The following USH2A variants were observed in gnomAD, a reference collection of about 807,000 sequenced individuals.
The protein encoded by USH2A is usherin.
Under a neutral mutation model 538.9 loss-of-function variants are expected in USH2A, and 443 were observed. That is an observed-to-expected ratio of 0.82 (90% confidence interval 0.76 to 0.89). The LOEUF (loss-of-function observed/expected upper bound fraction) is 0.89, where lower values mean the gene tolerates loss of function less well. Among genes scored for constraint, USH2A ranks in the 40% least tolerant of loss-of-function variants. USH2A has a pLI of 0.00. For synonymous variants in USH2A, 2,413 were observed against 2,273.5 expected, an observed-to-expected ratio of 1.06 and a Z score of -1.75; for missense variants, 6,633 against 6,324.8, an observed-to-expected ratio of 1.05 and a Z score of -1.65.
intron 44 of USH2A, among the ~76,000 whole-genome samples, chr1:215,851,839 C>G (rs2102828163): frequency 6.6e-6 from 1 of 151,730 alleles, no homozygotes; most frequent in South Asian, 2.1e-4. Context: ...GACAATTCAC[C>G]ATGATCAAGT....
At chr1:216,097,236 C>T (rs990954828) in intron 21 of USH2A, 23 bp from the exon 22 acceptor site, 1 of 1,614,004 alleles carries the variant, frequency 6.2e-7, no homozygotes, top group Non-Finnish European at 8.5e-7. Context: ...GTGTGATCAG[C>T]AAATCAGTGC....
intron 20 of USH2A, among the ~76,000 whole-genome samples, chr1:216,181,242 A>G (rs961096399): frequency 3.3e-5 from 5 of 152,052 alleles, no homozygotes; most frequent in Admixed American, 6.6e-5. Context: ...GGTTACTTCA[A>G]TTGTTAGAGT....
chr1:216,167,114 A>G (rs540506471), intron 21 of USH2A, among the ~76,000 whole-genome samples: 14 of 151,852 alleles, frequency 9.2e-5, no homozygotes, highest in African/African-American at 3.4e-4. Context: ...GAGCCTCCTT[A>G]TATATATATA....
intron 11 of USH2A, among the ~76,000 whole-genome samples, chr1:216,280,874 A>C (rs1368796095): frequency 6.6e-6 from 1 of 152,190 alleles, no homozygotes; most frequent in Non-Finnish European, 1.5e-5. Flanking sequence ...TTATAACAAA[A>C]TGAGACTTGA....
At chr1:215,702,636 AG>A (rs1253637443) in intron 61 of USH2A, among the ~76,000 whole-genome samples, 1 of 151,536 alleles carries the variant, frequency 6.6e-6, no homozygotes, top group African/African-American at 2.4e-5. Context: ...TGCTTCACAA[AG>A]TTCTAGTGCT....
chr1:216,018,138 T>C (rs2102498776), intron 32 of USH2A, among the ~76,000 whole-genome samples: 1 of 152,310 alleles, frequency 6.6e-6, no homozygotes, highest in African/African-American at 2.4e-5. Context: ...GGTACATTCT[T>C]AATTACACCT....
At chr1:216,287,530 C>A (rs78615309) in intron 11 of USH2A, among the ~76,000 whole-genome samples, 1 of 151,864 alleles carries the variant, frequency 6.6e-6, no homozygotes, top group Admixed American at 6.6e-5. Flanking sequence ...ATTATGGTGG[C>A]CTTTTTTTTT....
At chr1:216,069,792 A>G (rs2031497122) in intron 30 of USH2A, among the ~76,000 whole-genome samples, 1 of 152,194 alleles carries the variant, frequency 6.6e-6, no homozygotes, top group Admixed American at 6.5e-5. Flanking sequence ...ATTTATACAT[A>G]GGATTTCCAA....
chr1:216,133,243 C>T (rs1419383948), intron 21 of USH2A, among the ~76,000 whole-genome samples: 5 of 152,036 alleles, frequency 3.3e-5, no homozygotes, highest in African/African-American at 4.8e-5. Context: ...TATATTTGAA[C>T]ATTTTAAATA....
intron 62 of USH2A, among the ~76,000 whole-genome samples, chr1:215,677,798 G>T (rs977026099): frequency 6.6e-6 from 1 of 152,082 alleles, no homozygotes; most frequent in African/African-American, 2.4e-5. Flanking sequence ...TCTCTCCATA[G>T]CTGATCTCCT....
intron 11 of USH2A, among the ~76,000 whole-genome samples, chr1:216,268,013 CAT>C (rs2036508618): frequency 1.3e-5 from 2 of 152,108 alleles, no homozygotes; most frequent in Admixed American, 1.3e-4. Flanking sequence ...ATGTTTTATA[CAT>C]GTTTTCGTAT....
At chr1:215,822,426 TG>T (rs1663037191) in intron 47 of USH2A, among the ~76,000 whole-genome samples, 1 of 151,958 alleles carries the variant, frequency 6.6e-6, no homozygotes. Flanking sequence ...TCAGATTGCT[TG>T]CTGTTGGTGT....
At chr1:215,897,200 G>C (rs1162771353) in intron 40 of USH2A, among the ~76,000 whole-genome samples, 2 of 152,046 alleles carry the variant, frequency 1.3e-5, no homozygotes, top group African/African-American at 4.8e-5. Context: ...TGTGTCACAG[G>C]CTTGCTGAAA....
intron 14 of USH2A, among the ~76,000 whole-genome samples, chr1:216,219,780 C>T (rs745968837): frequency 3.3e-5 from 5 of 152,076 alleles, no homozygotes; most frequent in African/African-American, 4.8e-5. Context: ...ACCTCGCTTG[C>T]TAAATGGATT....
intron 47 of USH2A, among the ~76,000 whole-genome samples, chr1:215,829,635 G>T (rs1663256906): frequency 6.6e-6 from 1 of 152,128 alleles, no homozygotes; most frequent in Non-Finnish European, 1.5e-5. Context: ...AGTATACATT[G>T]CCAGAAGTAT....
At position 215,657,927 on chromosome 1, in the gene USH2A, A is replaced by ATTTT. The variant is rs59977028; in HGVS notation, c.14134-7130_14134-7127dup. On this transcript the variant is annotated intron_variant, in intron 64 of 71. Transcript: ENST00000307340. ...CTGTGAAATACTGAAATTTGCCCTG[A>ATTTT]TTTTTTTTTTTTTTTTTTTTGAGAC... Among the ~76,000 whole-genome samples, 10 of 97,756 alleles carry ATTTT rather than the reference A, an allele frequency of 1.0e-4. No homozygotes were observed. In the South Asian group the frequency reaches 2.1e-3, roughly 20 times the overall value. The allele number at this position is 97,756 out of a possible 152,430, so 64.1% of individuals were successfully genotyped here.
At chr1:216,050,604 CTTT>C (rs746265112) in intron 30 of USH2A, among the ~76,000 whole-genome samples, 5 of 68,576 alleles carry the variant, frequency 7.3e-5, no homozygotes, top group African/African-American at 2.7e-4. Flanking sequence ...TTCTTTCTTT[CTTT>C]TTTTTTTTTT....
chr1:216,321,874 A>G lies in USH2A; in HGVS notation c.1644+9T>C, dbSNP rs2102650456. On this transcript the variant is annotated intron_variant, in intron 9 of 71. Transcript: ENST00000307340. ...TTTTTTAGATTTCCATGCATAAAAT[A>G]GAACTCACATGAAGTCCTTCAGTGA... 6.2e-7 allele frequency: 1 copy of G among 1,612,418 alleles called. No homozygotes were observed. Among genetic ancestry groups the G allele is most frequent in the Non-Finnish European group, 8.5e-7 (1 of 1,178,494 alleles).
At chr1:216,026,100 C>T (rs1393175260) in intron 32 of USH2A, among the ~76,000 whole-genome samples, 2 of 151,998 alleles carry the variant, frequency 1.3e-5, no homozygotes, top group Non-Finnish European at 2.9e-5. Context: ...TATTTTTCTC[C>T]TGTTCTAGGT....
Sources: allele counts gnomAD v4.1 joint callset (sites outside exome capture counted in the v4.1 genomes callset), GRCh38; gene constraint gnomAD v4.1.1; transcripts MANE v1.5; gene names NCBI Gene and HGNC (gene_info 2026-07-23, HGNC 2026-07-21).